Variants in LNX2 observed in about 807,000 individuals in gnomAD.
LNX2 encodes the protein ligand of numb-protein X 2.
In LNX2, 35 loss-of-function variants were observed where a neutral mutation model predicts 66.2. The observed-to-expected ratio is 0.53, with a 90% CI of 0.40 to 0.70. The LOEUF (loss-of-function observed/expected upper bound fraction) is 0.70, where lower values mean the gene tolerates loss of function less well. Ranked by LOEUF, LNX2 falls within the 30% of genes least tolerant of loss-of-function variation. LNX2 has a pLI of 0.00. For missense variants in LNX2, 791 were observed against 850.8 expected (o/e 0.93, Z 0.87); for synonymous variants, 337 against 315.6 (o/e 1.07, Z -0.72).
Position 27,559,958 on chromosome 13 carries a change from T to C in LNX2, c.1252A>G (p.Ile418Val), listed in dbSNP as rs769895471. 1.2e-5 allele frequency: 19 copies of C among 1,608,724 alleles called. No individual in the cohort carries two copies. In the African/African-American group the frequency reaches 1.6e-4, roughly 14 times the overall value. Reference sequence around the variant, plus strand: ...GGCTGGGGTTTCCCTGGTCTAGCAATTGTTAAATTCACTCTCTCTCCACTG... The same window carrying C: ...GGCTGGGGTTTCCCTGGTCTAGCAACTGTTAAATTCACTCTCTCTCCACTG... ...QASGERVNLT[I>V]ARPGKPQPGN... The change falls in exon 6 of 10, where the codon ATT (isoleucine) becomes GTT (valine). Residue 418 changes from isoleucine to valine, a missense_variant. Physicochemically the swap from Ile to Val is conservative, Grantham distance 29. Coordinates refer to ENST00000316334, the MANE Select transcript of LNX2 (RefSeq NM_153371.4).
chr13:27,563,965 C>T (rs986190238), intron 4 of LNX2, among the ~76,000 whole-genome samples: 4 of 152,092 alleles, frequency 2.6e-5, no homozygotes, highest in Non-Finnish European at 5.9e-5. Flanking sequence ...AATACAGGGT[C>T]AAGAATGGAA....
At chr13:27,583,193 T>C (rs1248239719) in intron 1 of LNX2, among the ~76,000 whole-genome samples, 1,847 of 12,598 alleles carry the variant, frequency 0.15, 281 homozygotes, top group African/African-American at 0.35. Context: ...TGTGTGTGTG[T>C]GTGTGTGTGT....
At chr13:27,549,177 T>C (rs1229797339) in intron 9 of LNX2, among the ~76,000 whole-genome samples, 1 of 152,200 alleles carries the variant, frequency 6.6e-6, no homozygotes, top group African/African-American at 2.4e-5. Flanking sequence ...TTTTTCATCT[T>C]TATCAATATA....
intron 1 of LNX2, among the ~76,000 whole-genome samples, chr13:27,606,701 G>A (rs926945409): frequency 1.3e-5 from 2 of 152,106 alleles, no homozygotes; most frequent in Non-Finnish European, 2.9e-5. Context: ...AACTCCAGGC[G>A]AACCAGGTAG....
Position 27,614,467 on chromosome 13 carries a change from C to G in LNX2, c.-101+5908G>C, listed in dbSNP as rs1398910150. ...GTGCCCCCAACCAATCAGCAGCAAG[C>G]ACCCATTGCCTAGCCACTCCCACCC... On this transcript the variant is annotated intron_variant, in intron 1 of 9. Transcript: ENST00000316334. Among the ~76,000 whole-genome samples, 4 of 151,728 alleles carry G rather than the reference C, an allele frequency of 2.6e-5. No individual in the cohort carries two copies. The South Asian group carries it at 8.4e-4, about 32-fold the overall frequency.
At chr13:27,619,822 T>G (rs984700664) in intron 1 of LNX2, among the ~76,000 whole-genome samples, 3 of 152,168 alleles carry the variant, frequency 2.0e-5, no homozygotes, top group Admixed American at 2.0e-4. Context: ...ATTTTTAAAT[T>G]ACCCCCTGGA....
chr13:27,579,709 C>A (rs1209747400), intron 2 of LNX2, among the ~76,000 whole-genome samples: 2 of 152,180 alleles, frequency 1.3e-5, no homozygotes, highest in African/African-American at 4.8e-5. Context: ...CATTCAGTTC[C>A]TCTAACATCT....
intron 8 of LNX2, among the ~76,000 whole-genome samples, chr13:27,551,037 T>C (rs1012546124): frequency 6.6e-6 from 1 of 152,222 alleles, no homozygotes; most frequent in African/African-American, 2.4e-5. Context: ...TCTCCTTTAC[T>C]TAGGATGTTT....
rs1187298445 is a variant in LNX2 at position 27,559,896 on chromosome 13, G to A, written c.1314C>T (p.Ser438=). 1 of 1,611,114 alleles carries A rather than the reference G, an allele frequency of 6.2e-7. No homozygotes were observed. Among genetic ancestry groups the A allele is most frequent in the East Asian group, 2.2e-5 (1 of 44,776 alleles). ...GTGGTGGTGTGTGGTGCTGGCTGCT[G>A]CTGCTATGATTTCCTGCTTCTCTAA... is the stretch of plus-strand genomic sequence containing the variant. The part of the protein sequence containing the change: ...NTIREAGNHS[S]SSQHHTPPPY... Residue 438 remains serine (S), a synonymous_variant, in exon 6 of 10, where the codon AGC becomes AGT. Transcript: ENST00000316334.
intron 1 of LNX2, among the ~76,000 whole-genome samples, chr13:27,583,169 A>AGTGTGTGTGTATGTGTGTGTGT (rs1955422105): frequency 2.3e-5 from 1 of 44,116 alleles, no homozygotes; most frequent in Non-Finnish European, 4.0e-5. Flanking sequence ...TCAGAGCAGC[A>AGTGTGTGTGTATGTGTGTGTGT]GTGTGTGTGT....
At chr13:27,580,280 C>T (rs1955383029) in intron 2 of LNX2, among the ~76,000 whole-genome samples, 1 of 152,066 alleles carries the variant, frequency 6.6e-6, no homozygotes, top group Admixed American at 6.5e-5. Flanking sequence ...TTTTGTGACT[C>T]AGTCTCCTTA....
intron 1 of LNX2, among the ~76,000 whole-genome samples, chr13:27,616,359 G>GT (rs1019140902): frequency 6.6e-6 from 1 of 152,194 alleles, no homozygotes; most frequent in Non-Finnish European, 1.5e-5. Context: ...CCTTCAGGTA[G>GT]TAGGCTTCGA....
At position 27,576,964 on chromosome 13, in the gene LNX2, A is replaced by G. The variant is rs116015611; in HGVS notation, c.407+4333T>C. Among the ~76,000 whole-genome samples, 486 of 152,308 alleles carry G rather than the reference A, an allele frequency of 3.2e-3. 2 individuals carry two copies. The highest frequency in any genetic ancestry group is 0.011 in the African/African-American group (457 of 41,574). On this transcript the variant is annotated intron_variant, in intron 2 of 9. Transcript: ENST00000316334. ...CAACAATGAACTTCATAAAAATTAG[A>G]TATTTGTTCTTTAAAGGATGTAGGA...
chr13:27,574,333 A>C (rs1054589428), intron 2 of LNX2, among the ~76,000 whole-genome samples: 1 of 152,198 alleles, frequency 6.6e-6, no homozygotes, highest in Non-Finnish European at 1.5e-5. Flanking sequence ...AATCTCAGCT[A>C]CTTGGGAGGC....
intron 9 of LNX2, 27 bp from the exon 10 acceptor site, chr13:27,548,497 T>A (rs766170867): frequency 1.3e-6 from 2 of 1,592,726 alleles, no homozygotes; most frequent in South Asian, 2.3e-5. Flanking sequence ...AGATACAGAA[T>A]GTTACTATTT....
At chr13:27,553,106 C>CT (rs140699650) in intron 8 of LNX2, 102 bp downstream of exon 8, 18,944 of 843,928 alleles carry the variant, frequency 0.022, 484 homozygotes, top group African/African-American at 0.14. Flanking sequence ...TGAATTAAAG[C>CT]TTTTTTTTTT....
At chr13:27,571,618 TTTAAA>T (rs1454857565) in intron 2 of LNX2, among the ~76,000 whole-genome samples, 3 of 152,162 alleles carry the variant, frequency 2.0e-5, no homozygotes, top group Non-Finnish European at 4.4e-5. Context: ...AATTGCACAC[TTTAAA>T]TAAAGTGAAT....
chr13:27,568,049 T>C (rs1344484144), intron 3 of LNX2, among the ~76,000 whole-genome samples: 1 of 152,142 alleles, frequency 6.6e-6, no homozygotes, highest in Non-Finnish European at 1.5e-5. Flanking sequence ...CAGTAAATAA[T>C]AAATAGCTAC....
In LNX2 at chr13:27,609,018, C is replaced by T. The variant is rs577233491; in HGVS notation, c.-101+11357G>A. On this transcript the variant is annotated intron_variant, in intron 1 of 9. Transcript: ENST00000316334. ...ATTTTGACCAGGCTTGTCTTGAACT[C>T]CTGGCCTCATGTAATTCACTTGCCT... 7.9e-5 allele frequency among the ~76,000 whole-genome samples: 12 copies of T among 152,238 alleles called. No homozygotes were observed. The South Asian group carries it at 2.3e-3, about 29-fold the overall frequency.
Sources: allele counts gnomAD v4.1 joint callset (sites outside exome capture counted in the v4.1 genomes callset), GRCh38; gene constraint gnomAD v4.1.1; transcripts MANE v1.5; gene names NCBI Gene and HGNC (gene_info 2026-07-23, HGNC 2026-07-21).